PCSK5: variants seen among roughly 807,000 people sequenced by gnomAD.
The protein encoded by PCSK5 is prohormone convertase 5.
A neutral mutation model predicts 233.2 loss-of-function variants in PCSK5; 129 were observed. The ratio of observed to expected loss-of-function variants is 0.55; its 90% confidence interval spans 0.48 to 0.64. PCSK5 has a LOEUF of 0.64. Ranked by LOEUF, PCSK5 falls within the 30% of genes least tolerant of loss-of-function variation. The pLI, the probability that PCSK5 is intolerant of heterozygous loss-of-function variation, is 0.00. For synonymous variants in PCSK5, 825 were observed against 879.2 expected (o/e 0.94, Z 1.09); for missense variants, 2,076 against 2,430.1 (o/e 0.85, Z 3.06).
chr9:76,348,010 C>A (rs1259440457), intron 35 of PCSK5, among the ~76,000 whole-genome samples: 3 of 147,590 alleles, frequency 2.0e-5, no homozygotes, highest in Admixed American at 6.8e-5. Flanking sequence ...GTGGCTCACA[C>A]CTGTAATCCC....
At chr9:76,017,281 C>A (rs1244622807) in intron 3 of PCSK5, among the ~76,000 whole-genome samples, 1 of 152,144 alleles carries the variant, frequency 6.6e-6, no homozygotes, top group Non-Finnish European at 1.5e-5. Flanking sequence ...GCCCTTTCAA[C>A]TTTGCCAATC....
intron 2 of PCSK5, among the ~76,000 whole-genome samples, chr9:75,946,965 G>T (rs187337116): frequency 6.6e-6 from 1 of 152,276 alleles, no homozygotes; most frequent in African/African-American, 2.4e-5. Flanking sequence ...TTTGCAGATG[G>T]ACTTGAGATT....
intron 5 of PCSK5, among the ~76,000 whole-genome samples, chr9:76,046,566 T>C (rs1404770450): frequency 7.3e-6 from 1 of 137,324 alleles, no homozygotes; most frequent in Non-Finnish European, 1.6e-5. Flanking sequence ...TTTCTTTTTT[T>C]TTTTTTTTTT....
At chr9:76,241,946 G>T (rs1305724847) in intron 24 of PCSK5, among the ~76,000 whole-genome samples, 1 of 152,138 alleles carries the variant, frequency 6.6e-6, no homozygotes, top group Non-Finnish European at 1.5e-5. Flanking sequence ...GATCTAAGGT[G>T]GGCCTGAGGA....
intron 2 of PCSK5, among the ~76,000 whole-genome samples, chr9:75,974,252 G>A (rs952212760): frequency 2.0e-5 from 3 of 152,164 alleles, no homozygotes; most frequent in Admixed American, 6.5e-5. Flanking sequence ...TAGGGCTGGC[G>A]TAGGACCGAC....
At chr9:75,977,858 A>G (rs1234285399) in intron 2 of PCSK5, among the ~76,000 whole-genome samples, 1 of 151,862 alleles carries the variant, frequency 6.6e-6, no homozygotes, top group Admixed American at 6.6e-5. Context: ...TGATCCACCC[A>G]CCTCAGCCTC....
At chr9:76,134,819 C>T (rs79954359) in intron 10 of PCSK5, among the ~76,000 whole-genome samples, 2,193 of 152,008 alleles carry the variant, frequency 0.014, 50 homozygotes, top group African/African-American at 0.049. Flanking sequence ...TAATACAGAT[C>T]ATAGTTCCCA....
chr9:76,191,646 C>T lies in PCSK5; in HGVS notation c.2626+1900C>T, dbSNP rs868339478. 3.9e-5 allele frequency among the ~76,000 whole-genome samples: 6 copies of T among 152,194 alleles called. No individual in the cohort carries two copies. The South Asian group carries it at 6.3e-4, about 16-fold the overall frequency. ...GTGATTGGTCTGGCAGGCATGGGCC[C>T]GACACAGTCAGTTCCTGTGTTCTGA... is the stretch of plus-strand genomic sequence containing the variant. On this transcript the variant is annotated intron_variant, in intron 20 of 37. Coordinates refer to ENST00000674117, the MANE Select transcript of PCSK5 (RefSeq NM_001372043.1).
Position 76,302,208 on chromosome 9 carries a change from A to G in PCSK5, c.3595A>G (p.Ile1199Val). The G allele has an allele frequency of 2.2e-6, 3 of 1,346,944 alleles. No individual in the cohort carries two copies. Among genetic ancestry groups the G allele is most frequent in the Non-Finnish European group, 3.0e-6 (3 of 1,009,326 alleles). 83.4% of individuals were successfully genotyped at this position (1,346,944 alleles called of 1,614,324 possible). Residue 1199 changes from isoleucine (I) to valine (V), a missense_variant, in exon 28 of 38, where the codon ATC becomes GTC. Transcript: ENST00000674117. ...LQERRRWKVQ[I>V]KRDILRKLQP... is the part of the protein sequence containing the mutation. Reference sequence around the variant, plus strand: ...GGAGCGACGAAGGTGGAAAGTTCAAATCAAAAGAGGTAACAGGGAAATAGG... The same window carrying G: ...GGAGCGACGAAGGTGGAAAGTTCAAGTCAAAAGAGGTAACAGGGAAATAGG...
chr9:76,310,781 A>G lies in PCSK5; in HGVS notation c.3814A>G (p.Lys1272Glu). 6.2e-7 allele frequency: 1 copy of G among 1,612,112 alleles called. No homozygotes were observed. Among genetic ancestry groups the G allele is most frequent in the Non-Finnish European group, 8.5e-7 (1 of 1,179,572 alleles). Reference protein sequence around the residue: ...CAICSGADLCKKCQMQPGHPL... With the variant: ...CAICSGADLCEKCQMQPGHPL... ...CATCTGCTCTGGAGCCGATCTTTGCAAAAAATGCCAGATGCAGCCGGGCCA... is the reference window on the plus strand; with the variant it reads ...CATCTGCTCTGGAGCCGATCTTTGCGAAAAATGCCAGATGCAGCCGGGCCA... Residue 1272 changes from lysine to glutamate, a missense_variant, in exon 30 of 38, where the codon AAA becomes GAA. Around this residue, in one of 6 missense-constraint regions of PCSK5, gnomAD observed 1,510 missense variants for 1,538.1 expected, o/e 0.98. Transcript: ENST00000674117.
chr9:76,138,802 A>G (rs1035708821), intron 10 of PCSK5, among the ~76,000 whole-genome samples: 8 of 152,108 alleles, frequency 5.3e-5, no homozygotes, highest in Non-Finnish European at 1.2e-4. Context: ...GAAAGAATGA[A>G]AAAAATGTCA....
chr9:76,265,655 T>C (rs1436243957), intron 24 of PCSK5, among the ~76,000 whole-genome samples: 1 of 152,160 alleles, frequency 6.6e-6, no homozygotes, highest in African/African-American at 2.4e-5. Flanking sequence ...AATGACTCTA[T>C]TGTGGTTACA....
intron 33 of PCSK5, among the ~76,000 whole-genome samples, chr9:76,331,389 C>A (rs1187127675): frequency 1.3e-5 from 2 of 151,644 alleles, no homozygotes; most frequent in African/African-American, 4.8e-5. Flanking sequence ...GGGGGTGGGC[C>A]AGGCATGGTG....
At chr9:75,947,798 T>TGA (rs1202772240) in intron 2 of PCSK5, among the ~76,000 whole-genome samples, 1 of 152,162 alleles carries the variant, frequency 6.6e-6, no homozygotes, top group Non-Finnish European at 1.5e-5. Context: ...TGAGGTAGCA[T>TGA]GAGAGAGATA....
chr9:76,145,295 G>C lies in PCSK5; in HGVS notation c.1312+11083G>C, dbSNP rs149508120. Among the ~76,000 whole-genome samples the C allele has an allele frequency of 4.6e-5, 7 of 152,230 alleles. No individual in the cohort carries two copies. In the East Asian group the frequency reaches 1.3e-3, roughly 29 times the overall value. ...TTTACATTCAACAAAAATGATGGAA[G>C]CTTCATGAATTCAAATGTATGATTC... is the stretch of plus-strand genomic sequence containing the variant. On this transcript the variant is annotated intron_variant, in intron 10 of 37. Transcript: ENST00000674117.
At chr9:76,021,522 T>C (rs1828188643) in intron 3 of PCSK5, among the ~76,000 whole-genome samples, 1 of 151,972 alleles carries the variant, frequency 6.6e-6, no homozygotes, top group African/African-American at 2.4e-5. Flanking sequence ...AGAGAGTGTG[T>C]GTTCAGGGCC....
intron 24 of PCSK5, among the ~76,000 whole-genome samples, chr9:76,279,822 C>T (rs944398023): frequency 3.3e-5 from 5 of 151,226 alleles, no homozygotes; most frequent in Non-Finnish European, 7.4e-5. Flanking sequence ...AGCCCTTTGT[C>T]AGATGAGTAG....
chr9:76,180,263 T>A (rs1823803271), intron 15 of PCSK5, among the ~76,000 whole-genome samples: 1 of 152,038 alleles, frequency 6.6e-6, no homozygotes, highest in Non-Finnish European at 1.5e-5. Flanking sequence ...TGTTATTAAC[T>A]CTAGTCATCA....
intron 8 of PCSK5, among the ~76,000 whole-genome samples, chr9:76,100,378 T>C (rs759598603): frequency 1.3e-5 from 2 of 152,252 alleles, no homozygotes; most frequent in African/African-American, 2.4e-5. Context: ...TTTTTGTCCT[T>C]CTCATTTGTG....
Sources: allele counts gnomAD v4.1 joint callset (sites outside exome capture counted in the v4.1 genomes callset), GRCh38; gene constraint gnomAD v4.1.1; regional missense constraint gnomAD v4.1.1; transcripts MANE v1.5; gene names NCBI Gene and HGNC (gene_info 2026-07-23, HGNC 2026-07-21).